The following LCORL variants were observed in gnomAD, a reference collection of about 807,000 sequenced individuals.
LCORL encodes the protein ligand dependent nuclear receptor corepressor like, also known as ligand-dependent nuclear receptor corepressor-like protein.
In LCORL, 41 loss-of-function variants were observed where a neutral mutation model predicts 141.8. The observed-to-expected ratio is 0.29, with a 90% confidence interval of 0.23 to 0.38. The LOEUF is 0.38. LCORL is among the 10% of genes least tolerant of loss of function. LCORL has a pLI of 1.00. For synonymous variants in LCORL, 618 were observed against 694.1 expected (o/e 0.89, Z 1.72); for missense variants, 1,759 against 2,035.0 (o/e 0.86, Z 2.61).
chr4:17,936,043 C>G (rs1736800403), intron 4 of LCORL, among the ~76,000 whole-genome samples: 1 of 152,058 alleles, frequency 6.6e-6, no homozygotes, highest in Non-Finnish European at 1.5e-5. Flanking sequence ...TTCACCTATA[C>G]CTTTGGAAAT....
At chr4:17,933,193 G>A (rs957582010) in intron 4 of LCORL, among the ~76,000 whole-genome samples, 1 of 152,028 alleles carries the variant, frequency 6.6e-6, no homozygotes, top group Non-Finnish European at 1.5e-5. Context: ...GAGCTATGTA[G>A]TTTCAAATAT....
intron 5 of LCORL, among the ~76,000 whole-genome samples, chr4:17,902,613 G>A (rs1293950795): frequency 6.6e-6 from 1 of 152,030 alleles, no homozygotes; most frequent in Non-Finnish European, 1.5e-5. Context: ...AACTATACGT[G>A]ACTCTCTTAC....
intron 7 of LCORL, among the ~76,000 whole-genome samples, chr4:17,872,352 C>T (rs780468956): frequency 6.6e-5 from 10 of 152,068 alleles, no homozygotes; most frequent in Non-Finnish European, 1.0e-4. Flanking sequence ...CTCGGCCACA[C>T]TGGAAGAATT....
At chr4:17,926,306 A>C (rs1419099329) in intron 4 of LCORL, among the ~76,000 whole-genome samples, 1 of 131,438 alleles carries the variant, frequency 7.6e-6, no homozygotes, top group Non-Finnish European at 1.5e-5. Flanking sequence ...ATCCACCCTC[A>C]ATCTTGGTGG....
intron 5 of LCORL, among the ~76,000 whole-genome samples, chr4:17,898,904 C>G (rs540009361): frequency 6.6e-6 from 1 of 152,256 alleles, no homozygotes; most frequent in African/African-American, 2.4e-5. Context: ...TCAATGCCTC[C>G]ATAAGGACTG....
intron 5 of LCORL, among the ~76,000 whole-genome samples, chr4:17,903,904 G>A (rs1484302976): frequency 2.0e-5 from 3 of 151,972 alleles, no homozygotes; most frequent in Admixed American, 2.0e-4. Flanking sequence ...GCATTACTAT[G>A]TCAAAGGACT....
intron 4 of LCORL, among the ~76,000 whole-genome samples, chr4:17,958,767 T>C (rs2109583649): frequency 6.6e-6 from 1 of 152,090 alleles, no homozygotes; most frequent in East Asian, 1.9e-4. Flanking sequence ...TTAGTATTCA[T>C]TTATTCACCC....
intron 5 of LCORL, among the ~76,000 whole-genome samples, chr4:17,901,704 G>A (rs1730908700): frequency 6.6e-6 from 1 of 151,902 alleles, no homozygotes; most frequent in Non-Finnish European, 1.5e-5. Flanking sequence ...AAACTTAATA[G>A]CAGTAGAGTA....
chr4:18,002,200 A>C (rs1176817031), intron 1 of LCORL, among the ~76,000 whole-genome samples: 1 of 152,180 alleles, frequency 6.6e-6, no homozygotes, highest in Non-Finnish European at 1.5e-5. Flanking sequence ...TGGTGGCTCT[A>C]CAAGATTGAA....
intron 5 of LCORL, among the ~76,000 whole-genome samples, chr4:17,905,514 G>A (rs1473569588): frequency 2.0e-5 from 3 of 151,546 alleles, no homozygotes; most frequent in Non-Finnish European, 2.9e-5. Context: ...TCTGGTTTTC[G>A]TATCAAGATT....
exon 4 of LCORL, chr4:17,961,912 G>C: frequency 6.2e-7 from 1 of 1,607,172 alleles, no homozygotes; most frequent in Non-Finnish European, 8.5e-7. Flanking sequence ...CCTTTCTTTC[G>C]AAAGAGTGCA....
At chr4:17,883,535 TA>T (rs1727857420) in intron 6 of LCORL, 1 of 1,330,104 alleles carries the variant, frequency 7.5e-7, no homozygotes, top group Non-Finnish European at 9.6e-7. Flanking sequence ...AAACCCTGAA[TA>T]AAACTTTTTT....
At chr4:17,843,404 T>C in exon 8 of LCORL, 3 of 1,611,518 alleles carry the variant, frequency 1.9e-6, no homozygotes, top group Non-Finnish European at 2.5e-6. Flanking sequence ...TTGCCCAATT[T>C]CTCAATGAAG....
chr4:17,918,930 AT>A (rs1733881897), intron 4 of LCORL, among the ~76,000 whole-genome samples: 1 of 152,218 alleles, frequency 6.6e-6, no homozygotes, highest in South Asian at 2.1e-4. Flanking sequence ...CAAAGAATAA[AT>A]TTTGAAAGCA....
chr4:17,902,466 A>G (rs1024428250), intron 5 of LCORL, among the ~76,000 whole-genome samples: 2 of 152,208 alleles, frequency 1.3e-5, no homozygotes, highest in Admixed American at 6.5e-5. Context: ...CTCGGCATAG[A>G]AAAACAAGAT....
chr4:17,877,124 C>T, exon 7 of LCORL: 1 of 1,230,810 alleles, frequency 8.1e-7, no homozygotes, highest in Non-Finnish European at 1.0e-6. Flanking sequence ...GCCTTCTAAA[C>T]ATGGGTGAAT....
exon 7 of LCORL, chr4:17,877,746 C>T: frequency 8.1e-7 from 1 of 1,230,612 alleles, no homozygotes; most frequent in Non-Finnish European, 1.0e-6. Flanking sequence ...CAAAAGAGGA[C>T]TACGAAAGGC....
intron 4 of LCORL, among the ~76,000 whole-genome samples, chr4:17,938,062 G>C (rs1051874294): frequency 4.8e-5 from 7 of 144,592 alleles, no homozygotes; most frequent in Non-Finnish European, 1.0e-4. Context: ...CTGGAGTGCA[G>C]TGGCGCGATC....
At chr4:17,971,869 A>C (rs1345182214) in intron 2 of LCORL, among the ~76,000 whole-genome samples, 1 of 151,734 alleles carries the variant, frequency 6.6e-6, no homozygotes, top group African/African-American at 2.4e-5. Flanking sequence ...ATTTATATTA[A>C]GAAATTAAGA....
Sources: allele counts gnomAD v4.1 joint callset (sites outside exome capture counted in the v4.1 genomes callset), GRCh38; gene constraint gnomAD v4.1.1; transcripts MANE v1.5; gene names NCBI Gene and HGNC (gene_info 2026-07-23, HGNC 2026-07-21).